The following CXXC5 variants were observed in gnomAD, a reference collection of about 807,000 sequenced individuals.
CXXC5 encodes the protein CXXC finger protein 5, also known as CXXC-type zinc finger protein 5.
Under a neutral mutation model 17.6 loss-of-function variants are expected in CXXC5, and 2 were observed. That is an observed-to-expected ratio of 0.11 (90% CI 0.05 to 0.36). The LOEUF (loss-of-function observed/expected upper bound fraction) is 0.36. Among genes scored for constraint, CXXC5 ranks in the 10% least tolerant of loss-of-function variants. The pLI, the probability that CXXC5 is intolerant of heterozygous loss-of-function variation, is 1.00. For synonymous variants in CXXC5, 171 were observed against 193.0 expected (o/e 0.89, Z 0.94); for missense variants, 343 against 458.3 (o/e 0.75, Z 2.30).
chr5:139,656,586 C>T (rs1755509125), intron 1 of CXXC5, among the ~76,000 whole-genome samples: 1 of 152,238 alleles, frequency 6.6e-6, no homozygotes, highest in Non-Finnish European at 1.5e-5. Context: ...ATTGGGCCTG[C>T]TCCTTGCCAG....
At chr5:139,657,192 G>C (rs1384678438) in intron 1 of CXXC5, among the ~76,000 whole-genome samples, 1 of 152,202 alleles carries the variant, frequency 6.6e-6, no homozygotes, top group Non-Finnish European at 1.5e-5. Context: ...GATGCATGTT[G>C]TTAGCATCCC....
intron 1 of CXXC5, among the ~76,000 whole-genome samples, chr5:139,651,332 G>A (rs911429800): frequency 1.3e-5 from 2 of 148,670 alleles, no homozygotes; most frequent in East Asian, 4.1e-4. Flanking sequence ...AGGGCCAGTG[G>A]CCTCGTCTTT....
Position 139,658,824 on chromosome 5 carries a change from A to G in CXXC5, c.-161+9979A>G, listed in dbSNP as rs540586688. Reference sequence around the variant, plus strand: ...CAAGGTCTAACATCACCCTGACAATACCTTGGGATTCTTTTCAAGACCACT... The same window carrying G: ...CAAGGTCTAACATCACCCTGACAATGCCTTGGGATTCTTTTCAAGACCACT... On this transcript the variant is annotated intron_variant, in intron 1 of 2. Transcript: ENST00000302517. The surrounding 1 kb of genome is among the most constrained non-coding windows in gnomAD (Gnocchi z 4.1). 6.6e-6 allele frequency among the ~76,000 whole-genome samples: 1 copy of G among 152,274 alleles called. No individual in the cohort carries two copies. The highest frequency in any genetic ancestry group is 2.1e-4 in the South Asian group (1 of 4,828).
rs530033769 is a variant in CXXC5 at position 139,663,010 on chromosome 5, A to G, written c.-161+14165A>G. Among the ~76,000 whole-genome samples the G allele has an allele frequency of 3.9e-5, 6 of 152,244 alleles. No homozygotes were observed. The South Asian group carries it at 1.2e-3, about 32-fold the overall frequency. Reference sequence around the variant, plus strand: ...GACCTGGCATTTTTCTGGGGGTGGCATCCCACAACAAGGGCTCCTTAATTA... The same window carrying G: ...GACCTGGCATTTTTCTGGGGGTGGCGTCCCACAACAAGGGCTCCTTAATTA... On this transcript the variant is annotated intron_variant, in intron 1 of 2. Coordinates refer to ENST00000302517, the MANE Select transcript of CXXC5 (RefSeq NM_016463.9). The surrounding 1 kb of genome is among the most constrained non-coding windows in gnomAD (Gnocchi z 4.2).
Position 139,681,225 on chromosome 5 carries a change from G to A in CXXC5, c.702G>A (p.Ala234=), listed in dbSNP as rs1370813641. 3.7e-6 allele frequency: 6 copies of A among 1,611,952 alleles called. No homozygotes were observed. Among genetic ancestry groups the A allele is most frequent in the African/African-American group, 2.7e-5 (2 of 74,906 alleles). The change falls in exon 2 of 3, where the codon GCG becomes GCA. Residue 234 remains alanine (A), a synonymous_variant. Transcript: ENST00000302517. ...CAGGTGTGTTCCTGGCCGAGAGCGCGCTGCACATGGCGGGCCTGGCTGAGT... is the reference window on the plus strand; with the variant it reads ...CAGGTGTGTTCCTGGCCGAGAGCGCACTGCACATGGCGGGCCTGGCTGAGT... The part of the protein sequence containing the change: ...TPAGVFLAES[A]LHMAGLAEYP...
Position 139,670,974 on chromosome 5 carries a change from G to A in CXXC5, c.-160-9390G>A, listed in dbSNP as rs142959590. On this transcript the variant is annotated intron_variant, in intron 1 of 2. Coordinates refer to ENST00000302517, the MANE Select transcript of CXXC5 (RefSeq NM_016463.9). The surrounding 1 kb of genome is among the most constrained non-coding windows in gnomAD (Gnocchi z 4.2). ...CACCATACACACTCCAGCCCCCTGA[G>A]CCCGCTCCCAGGTGCCCAGCATCCT... Among the ~76,000 whole-genome samples the A allele has an allele frequency of 6.6e-6, 1 of 152,258 alleles. No individual in the cohort carries two copies. Among genetic ancestry groups the A allele is most frequent in the Non-Finnish European group, 1.5e-5 (1 of 68,018 alleles).
intron 1 of CXXC5, among the ~76,000 whole-genome samples, chr5:139,672,727 GAAGC>G (rs1487151585): frequency 6.6e-6 from 1 of 152,164 alleles, no homozygotes; most frequent in African/African-American, 2.4e-5. Context: ...TTTGGGGTGA[GAAGC>G]AAGAGCCATT....
chr5:139,651,026 A>G (rs1463164845), intron 1 of CXXC5: 1 of 152,076 alleles, frequency 6.6e-6, no homozygotes, highest in Non-Finnish European at 1.5e-5. Context: ...CAGCTGAAGG[A>G]GATTGGCCTC....
rs757643057 is a variant in CXXC5, at chr5:139,680,475, G to A, written c.-49G>A. ...GCCAGGTCCTGGTCTGTGGACCCTC[G>A]GCAGTTGGCAGGCTCCCTCTGCAGT... On this transcript the variant is annotated 5_prime_UTR_variant, in exon 2 of 3. Coordinates refer to ENST00000302517, the MANE Select transcript of CXXC5 (RefSeq NM_016463.9). 14 of 1,514,810 alleles carry A rather than the reference G, an allele frequency of 9.2e-6. No individual in the cohort carries two copies. The highest frequency in any genetic ancestry group is 1.4e-5 in the African/African-American group (1 of 72,766). 93.8% of individuals were successfully genotyped at this position (1,514,810 alleles called of 1,614,324 possible). A position where few individuals can be genotyped will look rare whatever the true frequency, so the allele number is the denominator to read the frequency against.
chr5:139,672,093 AT>A (rs936653107), intron 1 of CXXC5, among the ~76,000 whole-genome samples: 25 of 151,476 alleles, frequency 1.7e-4, no homozygotes, highest in East Asian at 7.8e-4. Flanking sequence ...CCTGCTGTTT[AT>A]TTTTTTTTAT....
intron 1 of CXXC5, among the ~76,000 whole-genome samples, chr5:139,664,544 A>G (rs1666029218): frequency 6.6e-6 from 1 of 152,184 alleles, no homozygotes; most frequent in Non-Finnish European, 1.5e-5. Flanking sequence ...GGTTGACTTT[A>G]CTAGAGGCTA....
intron 1 of CXXC5, chr5:139,650,848 T>C (rs533153904): frequency 6.6e-6 from 1 of 152,134 alleles, no homozygotes; most frequent in South Asian, 2.1e-4. Context: ...TAACTGCGTA[T>C]TGTTGATTTA....
chr5:139,680,083 A>G (rs957158677), intron 1 of CXXC5: 3 of 190,872 alleles, frequency 1.6e-5, no homozygotes, highest in African/African-American at 7.1e-5. Context: ...GGCCTCCACC[A>G]TGCCGCTTGG....
At position 139,661,507 on chromosome 5, in the gene CXXC5, C is replaced by G. The variant is rs1452248025; in HGVS notation, c.-161+12662C>G. On this transcript the variant is annotated intron_variant, in intron 1 of 2. Transcript: ENST00000302517. This position sits in a 1 kb window ranked among gnomAD's most constrained non-coding sequence, Gnocchi z 4.7. ...TCCAGAAGCACACTCACGGTTCCAGCCACAGCCCAGCCTCTGGCACACACA... is the reference window on the plus strand; with the variant it reads ...TCCAGAAGCACACTCACGGTTCCAGGCACAGCCCAGCCTCTGGCACACACA... Among the ~76,000 whole-genome samples the G allele has an allele frequency of 2.0e-5, 3 of 152,224 alleles. No homozygotes were observed. Among genetic ancestry groups the G allele is most frequent in the Non-Finnish European group, 4.4e-5 (3 of 68,028 alleles).
Position 139,670,273 on chromosome 5 carries a change from G to T in CXXC5, c.-160-10091G>T, listed in dbSNP as rs1756386392. Reference sequence around the variant, plus strand: ...TGTTTTCCAGTTTTTTCCACGCTCAGGCCAGGCAGGCGGGTAGACACTGGC... The same window carrying T: ...TGTTTTCCAGTTTTTTCCACGCTCATGCCAGGCAGGCGGGTAGACACTGGC... On this transcript the variant is annotated intron_variant, in intron 1 of 2. Coordinates refer to ENST00000302517, the MANE Select transcript of CXXC5 (RefSeq NM_016463.9). The surrounding 1 kb of genome is among the most constrained non-coding windows in gnomAD (Gnocchi z 4.2). Among the ~76,000 whole-genome samples the T allele has an allele frequency of 6.6e-6, 1 of 152,200 alleles. No individual in the cohort carries two copies. Among genetic ancestry groups the T allele is most frequent in the Non-Finnish European group, 1.5e-5 (1 of 68,032 alleles).
rs1756289980 is a variant in CXXC5 at position 139,668,929 on chromosome 5, G to A, written c.-160-11435G>A. Among the ~76,000 whole-genome samples, 1 of 152,134 alleles carries A rather than the reference G, an allele frequency of 6.6e-6. No homozygotes were observed. The highest frequency in any genetic ancestry group is 1.5e-5 in the Non-Finnish European group (1 of 68,022). ...CCAGCCCATTTTCTCCTGAATTTGGGATTTAGGGAGCTGGGCTTTGTATAC... is the reference window on the plus strand; with the variant it reads ...CCAGCCCATTTTCTCCTGAATTTGGAATTTAGGGAGCTGGGCTTTGTATAC... On this transcript the variant is annotated intron_variant, in intron 1 of 2. Coordinates refer to ENST00000302517, the MANE Select transcript of CXXC5 (RefSeq NM_016463.9). The surrounding 1 kb of genome is among the most constrained non-coding windows in gnomAD (Gnocchi z 4.1).
Position 139,680,917 on chromosome 5 carries a change from C to G in CXXC5, c.394C>G (p.Pro132Ala). The G allele has an allele frequency of 1.2e-6, 2 of 1,602,506 alleles. No homozygotes were observed. The highest frequency in any genetic ancestry group is 1.7e-6 in the Non-Finnish European group (2 of 1,179,940). The change falls in exon 2 of 3, where the codon CCT becomes GCT. Residue 132 changes from proline (P) to alanine (A), a missense_variant. Coordinates refer to ENST00000302517, the MANE Select transcript of CXXC5 (RefSeq NM_016463.9). ...GGCCATGGCGGTGGACAAAAGCAAC[C>G]CTACCTCAAAGCACAAAAGTGGTGC... ...AAAMAVDKSN[P>A]TSKHKSGAVA...
Position 139,661,180 on chromosome 5 carries a change from C to T in CXXC5, c.-161+12335C>T, listed in dbSNP as rs2126764823. Among the ~76,000 whole-genome samples the T allele has an allele frequency of 6.6e-6, 1 of 152,020 alleles. No homozygotes were observed. Among genetic ancestry groups the T allele is most frequent in the East Asian group, 1.9e-4 (1 of 5,166 alleles). ...CTCCCCGCCGCGGCTGCCCGCGCCGCCCCCCCACCTCTTGCGCTGTCGGCC... is the reference window on the plus strand; with the variant it reads ...CTCCCCGCCGCGGCTGCCCGCGCCGTCCCCCCACCTCTTGCGCTGTCGGCC... On this transcript the variant is annotated intron_variant, in intron 1 of 2. Transcript: ENST00000302517. This position sits in a 1 kb window ranked among gnomAD's most constrained non-coding sequence, Gnocchi z 4.7.
chr5:139,674,361 G>C (rs948673600), intron 1 of CXXC5, among the ~76,000 whole-genome samples: 1 of 152,220 alleles, frequency 6.6e-6, no homozygotes, highest in African/African-American at 2.4e-5. Flanking sequence ...CTCACTTGGA[G>C]GCAGGCCAAG....
Sources: allele counts gnomAD v4.1 joint callset (sites outside exome capture counted in the v4.1 genomes callset), GRCh38; gene constraint gnomAD v4.1.1; non-coding constraint Gnocchi (gnomAD v3.1); transcripts MANE v1.5; gene names NCBI Gene and HGNC (gene_info 2026-07-23, HGNC 2026-07-21).